The following ZNF19 variants were observed in gnomAD, a reference collection of about 807,000 sequenced individuals.
ZNF19 encodes the protein zinc finger protein 19 (KOX 12).
In ZNF19, 11 loss-of-function variants were observed where a neutral mutation model predicts 13.1. The observed-to-expected ratio is 0.84, with a 90% CI of 0.53 to 1.39. ZNF19 has a LOEUF of 1.39. Among genes scored for constraint, ZNF19 ranks in the 40% most tolerant of loss-of-function variants. The pLI is 0.00. For synonymous variants in ZNF19, 186 were observed against 187.0 expected (o/e 0.99, Z 0.04); for missense variants, 560 against 547.0 (o/e 1.02, Z -0.24).
intron 2 of ZNF19, among the ~76,000 whole-genome samples, chr16:71,482,862 T>G (rs548913125): frequency 1.3e-5 from 2 of 152,316 alleles, no homozygotes; most frequent in Non-Finnish European, 2.9e-5. Flanking sequence ...CCACCACACC[T>G]GGCTCATTTT....
In ZNF19 at chr16:71,479,620, T is replaced by TAGGAAAAG. The variant is rs1355335943; in HGVS notation, c.34-616_34-615insCTTTTCCT. On this transcript the variant is annotated intron_variant, in intron 3 of 5. Coordinates refer to ENST00000288177, the MANE Select transcript of ZNF19 (RefSeq NM_006961.4). ...AGTCTCCTGGCACAATCCACTCTGCTCCTTGATGGCTTTTCCTAGAAAACC... is the reference window on the plus strand; with the variant it reads ...AGTCTCCTGGCACAATCCACTCTGCTAGGAAAAGCCTTGATGGCTTTTCCTAGAAAACC... Among the ~76,000 whole-genome samples, 56 of 152,190 alleles carry TAGGAAAAG rather than the reference T, an allele frequency of 3.7e-4. 1 individual carries two copies. The highest frequency in any genetic ancestry group is 3.7e-3 in the Admixed American group (56 of 15,280).
intron 2 of ZNF19, chr16:71,482,426 C>T (rs1222969149): frequency 6.2e-6 from 2 of 320,708 alleles, no homozygotes; most frequent in Non-Finnish European, 1.2e-5. Flanking sequence ...CCAATAAACT[C>T]AGAGCGAAAC....
At position 71,475,389 on chromosome 16, in the gene ZNF19, T is replaced by C; in HGVS notation, c.1158A>G (p.Val386=). The change falls in exon 6 of 6, where the codon GTA becomes GTG. Residue 386 remains valine, a synonymous_variant. Transcript: ENST00000288177. ...LRIHTQESSY[V]CDECGKALTS... is the part of the protein sequence containing the mutation. ...TCAAGGCTTTTCCACACTCATCACA[T>C]ACATAGGAAGACTCCTGAGTATGAA... is the stretch of plus-strand genomic sequence containing the variant. 1 of 1,613,958 alleles carries C rather than the reference T, an allele frequency of 6.2e-7. No individual in the cohort carries two copies. Among genetic ancestry groups the C allele is most frequent in the Non-Finnish European group, 8.5e-7 (1 of 1,179,982 alleles).
chr16:71,483,101 G>A (rs905665966), intron 2 of ZNF19, among the ~76,000 whole-genome samples: 1 of 152,174 alleles, frequency 6.6e-6, no homozygotes, highest in Non-Finnish European at 1.5e-5. Context: ...TAATAGACAA[G>A]AATGGCCAAG....
At chr16:71,482,908 C>T (rs976707471) in intron 2 of ZNF19, among the ~76,000 whole-genome samples, 8 of 152,184 alleles carry the variant, frequency 5.3e-5, no homozygotes, top group Non-Finnish European at 8.8e-5. Context: ...CATCATATTG[C>T]CCAGACTAGT....
chr16:71,489,150 T>G, intron 1 of ZNF19, 122 bp downstream of exon 1: 5 of 735,336 alleles, frequency 6.8e-6, no homozygotes, highest in South Asian at 6.1e-5. Flanking sequence ...CGGCCACAAT[T>G]GTATAGTGAC....
rs373676479 is a variant in ZNF19 at position 71,476,280 on chromosome 16, A to G, written c.275-8T>C. The stretch of plus-strand genomic sequence containing the variant: ...CAATGTTGGTCTCAACATCTGACAT[A>G]AGAGATAGAAAACACAAATAATGCC... On this transcript the variant is annotated splice_polypyrimidine_tract_variant and splice_region_variant and intron_variant, in intron 5 of 5. Transcript: ENST00000288177. 30 of 1,594,930 alleles carry G rather than the reference A, an allele frequency of 1.9e-5. No individual in the cohort carries two copies. Among genetic ancestry groups the G allele is most frequent in the Non-Finnish European group, 2.3e-5 (27 of 1,171,616 alleles).
chr16:71,479,862 C>T (rs1446563387), intron 3 of ZNF19, among the ~76,000 whole-genome samples: 1 of 151,988 alleles, frequency 6.6e-6, no homozygotes. Context: ...GGCACAATCT[C>T]AGCTCACTGC....
rs1221828281 is a variant in ZNF19, at chr16:71,474,833, T to C, written c.*337A>G. 1 of 217,944 alleles carries C rather than the reference T, an allele frequency of 4.6e-6. No individual in the cohort carries two copies. The highest frequency in any genetic ancestry group is 2.3e-5 in the African/African-American group (1 of 43,664). The allele number at this position is 217,944 out of a possible 1,614,324, so 13.5% of individuals were successfully genotyped here. On this transcript the variant is annotated 3_prime_UTR_variant, in exon 6 of 6. Transcript: ENST00000288177. ...CCGTATATATTTTTAGCTTCAGGCA[T>C]GGTGTATGTGGCTGTTCAAACATTA...
At chr16:71,488,695 A>G (rs1388378342) in intron 1 of ZNF19, among the ~76,000 whole-genome samples, 3 of 152,200 alleles carry the variant, frequency 2.0e-5, no homozygotes, top group African/African-American at 7.2e-5. Context: ...GCTACTCGGG[A>G]GGCTGAGGCA....
chr16:71,475,746 G>A lies in ZNF19; in HGVS notation c.801C>T (p.His267=). ...TACACTCATAGGGTTTCTCCCCAGTGTGGATTCTCTGATGTATAACAAACT... is the reference window on the plus strand; with the variant it reads ...TACACTCATAGGGTTTCTCCCCAGTATGGATTCTCTGATGTATAACAAACT... The part of the protein sequence containing the change: ...SSEFVIHQRI[H]TGEKPYECNE... The change falls in exon 6 of 6, where the codon CAC becomes CAT. Residue 267 remains histidine, a synonymous_variant. Coordinates refer to ENST00000288177, the MANE Select transcript of ZNF19 (RefSeq NM_006961.4). 1 of 1,613,140 alleles carries A rather than the reference G, an allele frequency of 6.2e-7. No homozygotes were observed. The highest frequency in any genetic ancestry group is 1.3e-5 in the African/African-American group (1 of 74,992).
chr16:71,486,574 C>A (rs996893582), intron 1 of ZNF19, among the ~76,000 whole-genome samples: 1 of 152,166 alleles, frequency 6.6e-6, no homozygotes, highest in African/African-American at 2.4e-5. Flanking sequence ...GAAACAGATT[C>A]TCTCCTTAGT....
chr16:71,479,692 C>T (rs1234195943), intron 3 of ZNF19, among the ~76,000 whole-genome samples: 1 of 152,150 alleles, frequency 6.6e-6, no homozygotes, highest in African/African-American at 2.4e-5. Context: ...CTTTTAGCTC[C>T]TTATCTTTAT....
chr16:71,478,818 T>C (rs897420620), intron 4 of ZNF19, 61 bp downstream of exon 4: 8 of 1,586,848 alleles, frequency 5.0e-6, no homozygotes, highest in African/African-American at 1.4e-5. Flanking sequence ...CCCCAGGCTG[T>C]AAAAGAAGGA....
rs1217382817 is a variant in ZNF19, at chr16:71,473,738, C to T, written c.*1432G>A. ...CAGCTGGGACTACAGGCATGCACCACCACGCCCAGCTAATTCTTGTATTTT... is the reference window on the plus strand; with the variant it reads ...CAGCTGGGACTACAGGCATGCACCATCACGCCCAGCTAATTCTTGTATTTT... On this transcript the variant is annotated 3_prime_UTR_variant, in exon 6 of 6. Transcript: ENST00000288177. 6.6e-6 allele frequency: 1 copy of T among 152,230 alleles called. No individual in the cohort carries two copies. The highest frequency in any genetic ancestry group is 2.4e-5 in the African/African-American group (1 of 41,442). The allele number at this position is 152,230 out of a possible 1,614,324, so 9.4% of individuals were successfully genotyped here.
rs2043591560 is a variant in ZNF19 at position 71,475,150 on chromosome 16, C to T, written c.*20G>A. ...AGTAGAAGACGGAATCCACTCAGTA[C>T]ATTTCACTGGAGTGTACTATTACCA... On this transcript the variant is annotated 3_prime_UTR_variant, in exon 6 of 6. Transcript: ENST00000288177. 1 of 1,548,918 alleles carries T rather than the reference C, an allele frequency of 6.5e-7. No individual in the cohort carries two copies. Among genetic ancestry groups the T allele is most frequent in the East Asian group, 2.4e-5 (1 of 42,006 alleles).
At chr16:71,487,673 A>G (rs1408145402) in intron 1 of ZNF19, among the ~76,000 whole-genome samples, 5 of 152,200 alleles carry the variant, frequency 3.3e-5, no homozygotes, top group African/African-American at 1.2e-4. Context: ...GCTATAAGTA[A>G]TATCAGATCA....
intron 5 of ZNF19, chr16:71,477,979 C>A: frequency 2.4e-6 from 1 of 423,978 alleles, no homozygotes; most frequent in East Asian, 4.3e-5. Flanking sequence ...TAAATCCATC[C>A]CAACCAAGGA....
At chr16:71,477,367 A>G (rs908520832) in intron 5 of ZNF19, among the ~76,000 whole-genome samples, 2 of 152,168 alleles carry the variant, frequency 1.3e-5, no homozygotes, top group African/African-American at 4.8e-5. Flanking sequence ...AGATTCTTAG[A>G]ATAAGAGGCT....
Sources: allele counts gnomAD v4.1 joint callset (sites outside exome capture counted in the v4.1 genomes callset), GRCh38; gene constraint gnomAD v4.1.1; transcripts MANE v1.5; gene names NCBI Gene and HGNC (gene_info 2026-07-23, HGNC 2026-07-21).